The following PTPN5 variants were observed in gnomAD, a reference collection of about 807,000 sequenced individuals.
PTPN5 encodes the protein protein tyrosine phosphatase non-receptor type 5, also known as tyrosine-protein phosphatase non-receptor type 5.
In PTPN5, 29 loss-of-function variants were observed where a neutral mutation model predicts 73.9. The ratio of observed to expected loss-of-function variants is 0.39; its 90% confidence interval spans 0.29 to 0.54. PTPN5 has a LOEUF of 0.54. Among genes scored for constraint, PTPN5 ranks in the 20% least tolerant of loss-of-function variants. PTPN5 has a pLI of 0.65. For missense variants in PTPN5, 652 were observed against 751.4 expected (o/e 0.87, Z 1.55); for synonymous variants, 267 against 304.7 (o/e 0.88, Z 1.29).
In PTPN5 at chr11:18,764,415, C is replaced by T. The variant is rs1850538013; in HGVS notation, c.97+1392G>A. ...CTAGACAGACGGTCCCATCTTAGAC[C>T]GTCTCAACAGGCTGTCCCAAGTGTT... On this transcript the variant is annotated intron_variant, in intron 3 of 14. Transcript: ENST00000358540. 3.3e-5 allele frequency among the ~76,000 whole-genome samples: 5 copies of T among 152,330 alleles called. No homozygotes were observed. The South Asian group carries it at 8.3e-4, about 25-fold the overall frequency.
chr11:18,744,044 T>G lies in PTPN5; in HGVS notation c.253A>C (p.Arg85=). The G allele has an allele frequency of 6.2e-7, 1 of 1,608,988 alleles. No individual in the cohort carries two copies. Among genetic ancestry groups the G allele is most frequent in the Non-Finnish European group, 8.5e-7 (1 of 1,177,722 alleles). ...GCAGCGAACAGGCACAGGCTGCTCC[T>G]GACAGTGAGGGAGTGGCTCCCAGCG... ...RGAGSHSLTV[R]SSLCLFAASQ... Residue 85 remains arginine, a synonymous_variant, in exon 4 of 15, where the codon AGG becomes CGG. Transcript: ENST00000358540.
chr11:18,752,932 T>G (rs945506494), intron 3 of PTPN5, among the ~76,000 whole-genome samples: 3 of 152,178 alleles, frequency 2.0e-5, no homozygotes, highest in African/African-American at 4.8e-5. Context: ...ACTGATGAGA[T>G]CCAGAGAATA....
intron 1 of PTPN5, among the ~76,000 whole-genome samples, chr11:18,781,400 G>C (rs1014876213): frequency 6.7e-6 from 1 of 149,760 alleles, no homozygotes; most frequent in African/African-American, 2.5e-5. Flanking sequence ...GCTCACTGCA[G>C]CCTCCGCCTC....
intron 3 of PTPN5, among the ~76,000 whole-genome samples, chr11:18,753,679 G>A (rs1849995929): frequency 1.3e-5 from 2 of 152,184 alleles, no homozygotes; most frequent in African/African-American, 4.8e-5. Context: ...TTAATGTCAA[G>A]GAAATCCTCA....
At chr11:18,743,955 C>T (rs781202871) in intron 4 of PTPN5, 51 bp downstream of exon 4, 35 of 1,511,368 alleles carry the variant, frequency 2.3e-5, no homozygotes, top group African/African-American at 2.9e-5. Flanking sequence ...GGGAGGCTGG[C>T]CCTCCACCCA....
chr11:18,731,567 C>A (rs1848878899), intron 12 of PTPN5, among the ~76,000 whole-genome samples: 1 of 152,226 alleles, frequency 6.6e-6, no homozygotes, highest in Non-Finnish European at 1.5e-5. Flanking sequence ...TGGGGAATTT[C>A]TACTCAGGAA....
chr11:18,758,672 T>C (rs1247824388), intron 3 of PTPN5, among the ~76,000 whole-genome samples: 1 of 65,972 alleles, frequency 1.5e-5, no homozygotes, highest in Non-Finnish European at 3.0e-5. Flanking sequence ...AATGGAAGGA[T>C]GAGTTTTTTT....
chr11:18,775,948 AAG>A lies in PTPN5; in HGVS notation c.-113-3879_-113-3878del, dbSNP rs1445008786. Among the ~76,000 whole-genome samples, 10 of 152,292 alleles carry A rather than the reference AAG, an allele frequency of 6.6e-5. No individual in the cohort carries two copies. In the East Asian group the frequency reaches 7.7e-4, roughly 12 times the overall value. On this transcript the variant is annotated intron_variant, in intron 1 of 14. Transcript: ENST00000358540. ...GCATGTCCGGCCTGAGCCAATTATT[AAG>A]AGAGTCCAGGTTCAGCTGTGATTTG...
intron 3 of PTPN5, among the ~76,000 whole-genome samples, chr11:18,758,763 T>C (rs1850261731): frequency 6.6e-6 from 1 of 152,096 alleles, no homozygotes; most frequent in African/African-American, 2.4e-5. Context: ...GGTAATGGCA[T>C]CTGTCACTGC....
At chr11:18,743,503 C>A (rs1013520846) in intron 4 of PTPN5, 74 bp from the exon 5 acceptor site, 4 of 1,333,308 alleles carry the variant, frequency 3.0e-6, no homozygotes, top group Non-Finnish European at 4.3e-6. Context: ...AGCTCACCTG[C>A]AGCCTCAACC....
chr11:18,733,071 C>T lies in PTPN5; in HGVS notation c.1218+164G>A, dbSNP rs936205572. Among the ~76,000 whole-genome samples the T allele has an allele frequency of 6.6e-6, 1 of 152,164 alleles. No homozygotes were observed. The highest frequency in any genetic ancestry group is 2.4e-5 in the African/African-American group (1 of 41,422). On this transcript the variant is annotated intron_variant, in intron 11 of 14. Transcript: ENST00000358540. This position sits in a 1 kb window ranked among gnomAD's most constrained non-coding sequence, Gnocchi z 4.3. Reference sequence around the variant, plus strand: ...CAGGCATGCCTCTATCTGTGAAGCCCGGGGCAAATGACTTAACCTTACCGA... The same window carrying T: ...CAGGCATGCCTCTATCTGTGAAGCCTGGGGCAAATGACTTAACCTTACCGA...
chr11:18,761,580 G>C (rs1007081584), intron 3 of PTPN5, among the ~76,000 whole-genome samples: 1 of 152,162 alleles, frequency 6.6e-6, no homozygotes, highest in Non-Finnish European at 1.5e-5. Flanking sequence ...GTGTGCACAT[G>C]TGCACAGGGG....
intron 9 of PTPN5, 65 bp downstream of exon 9, chr11:18,737,815 A>T (rs1440084670): frequency 7.1e-7 from 1 of 1,409,898 alleles, no homozygotes; most frequent in Non-Finnish European, 1.0e-6. Flanking sequence ...GGTCCTCCTC[A>T]GGGTGAGGGG....
chr11:18,733,495 A>T lies in PTPN5; in HGVS notation c.1080+61T>A. 1 of 1,612,702 alleles carries T rather than the reference A, an allele frequency of 6.2e-7. No individual in the cohort carries two copies. The highest frequency in any genetic ancestry group is 8.5e-7 in the Non-Finnish European group (1 of 1,178,868). On this transcript the variant is annotated intron_variant, in intron 10 of 14. Transcript: ENST00000358540. This position sits in a 1 kb window ranked among gnomAD's most constrained non-coding sequence, Gnocchi z 4.3. ...ACTGGTGTAGGGACAAGGCTGGAGG[A>T]TGGATCCCATCGACTCAGGCCTCCC...
At position 18,762,987 on chromosome 11, in the gene PTPN5, C is replaced by A. The variant is rs75863523; in HGVS notation, c.97+2820G>T. On this transcript the variant is annotated intron_variant, in intron 3 of 14. Transcript: ENST00000358540. ...TGCCCAGCACATGTAGGTGCTCAAT[C>A]AGTAGTGACAGAATGAAGAAATGAG... is the stretch of plus-strand genomic sequence containing the variant. Among the ~76,000 whole-genome samples, 101 of 152,316 alleles carry A rather than the reference C, an allele frequency of 6.6e-4. No individual in the cohort carries two copies. In the East Asian group the frequency reaches 0.019, roughly 29 times the overall value.
At chr11:18,790,114 C>A (rs548266177) in intron 1 of PTPN5, among the ~76,000 whole-genome samples, 16 of 151,984 alleles carry the variant, frequency 1.1e-4, no homozygotes, top group Non-Finnish European at 1.3e-4. Context: ...ACCCTCTCTG[C>A]ACCAGGCATC....
Position 18,728,655 on chromosome 11 carries a change from T to C in PTPN5, c.*279A>G, listed in dbSNP as rs1848731665. 1 of 380,044 alleles carries C rather than the reference T, an allele frequency of 2.6e-6. No homozygotes were observed. The allele number at this position is 380,044 out of a possible 1,614,324, so 23.5% of individuals were successfully genotyped here. ...GGATCAGGTATTGATGGAACCATCG[T>C]TAAAAACTGGAGCCCGGGGTCTGCG... On this transcript the variant is annotated 3_prime_UTR_variant, in exon 15 of 15. Transcript: ENST00000358540. The surrounding 1 kb of genome is among the most constrained non-coding windows in gnomAD (Gnocchi z 4.1).
chr11:18,746,021 G>C (rs750905199), intron 3 of PTPN5, among the ~76,000 whole-genome samples: 1 of 151,588 alleles, frequency 6.6e-6, no homozygotes, highest in African/African-American at 2.4e-5. Context: ...AGCATGTAGC[G>C]TAAGTCCTGG....
chr11:18,754,040 G>T (rs1850015830), intron 3 of PTPN5, among the ~76,000 whole-genome samples: 1 of 152,192 alleles, frequency 6.6e-6, no homozygotes, highest in South Asian at 2.1e-4. Flanking sequence ...ACAGCAGTGG[G>T]ACATAAAAGG....
Sources: allele counts gnomAD v4.1 joint callset (sites outside exome capture counted in the v4.1 genomes callset), GRCh38; gene constraint gnomAD v4.1.1; non-coding constraint Gnocchi (gnomAD v3.1); transcripts MANE v1.5; gene names NCBI Gene and HGNC (gene_info 2026-07-23, HGNC 2026-07-21).